Variants in SNX25 observed in about 807,000 individuals in gnomAD.
SNX25 encodes sorting nexin 25.
In SNX25, 62 loss-of-function variants were observed where a neutral mutation model predicts 113.7. The observed-to-expected ratio is 0.55, with a 90% CI of 0.44 to 0.67. The LOEUF (loss-of-function observed/expected upper bound fraction) is 0.67, where lower values mean the gene tolerates loss of function less well. Among genes scored for constraint, SNX25 ranks in the 30% least tolerant of loss-of-function variants. The pLI is 0.00. For synonymous variants in SNX25, 421 were observed against 436.2 expected (o/e 0.97, Z 0.43); for missense variants, 1,014 against 1,161.0 (o/e 0.87, Z 1.84).
At chr4:185,226,458 G>GT (rs1037967369) in intron 1 of SNX25, among the ~76,000 whole-genome samples, 2 of 152,150 alleles carry the variant, frequency 1.3e-5, no homozygotes, top group African/African-American at 4.8e-5. Context: ...ATTTTTTGTT[G>GT]TTGTTTGTTT....
intron 9 of SNX25, among the ~76,000 whole-genome samples, chr4:185,328,736 T>C (rs2095173541): frequency 6.6e-6 from 1 of 152,054 alleles, no homozygotes; most frequent in Admixed American, 6.5e-5. Flanking sequence ...AAATCAAACA[T>C]GGAGAAAGGG....
chr4:185,266,050 C>T (rs534210572), intron 4 of SNX25, among the ~76,000 whole-genome samples: 1 of 152,314 alleles, frequency 6.6e-6, no homozygotes, highest in East Asian at 1.9e-4. Flanking sequence ...CTTTCCCTAT[C>T]TCAGTCTCAG....
chr4:185,222,993 CACTT>C (rs144538654), intron 1 of SNX25, among the ~76,000 whole-genome samples: 1 of 152,298 alleles, frequency 6.6e-6, no homozygotes, highest in African/African-American at 2.4e-5. Context: ...GTAGCTTTTA[CACTT>C]ACTTTTTACA....
At chr4:185,294,918 G>T (rs1408457109) in intron 6 of SNX25, among the ~76,000 whole-genome samples, 1 of 152,084 alleles carries the variant, frequency 6.6e-6, no homozygotes, top group Non-Finnish European at 1.5e-5. Context: ...GGATGTTACA[G>T]GAAGTCGCTC....
intron 5 of SNX25, among the ~76,000 whole-genome samples, chr4:185,279,893 G>A (rs981847865): frequency 6.6e-6 from 1 of 151,896 alleles, no homozygotes; most frequent in African/African-American, 2.4e-5. Flanking sequence ...TTGTTGTTTT[G>A]TTGTTTTTTT....
At position 185,210,174 on chromosome 4, in the gene SNX25, G is replaced by C. The variant is rs1737507643; in HGVS notation, c.348G>C (p.Arg116=). 1 of 984,786 alleles carries C rather than the reference G, an allele frequency of 1.0e-6. No homozygotes were observed. The highest frequency in any genetic ancestry group is 1.2e-6 in the Non-Finnish European group (1 of 830,234). 61.0% of individuals were successfully genotyped at this position (984,786 alleles called of 1,614,324 possible). ...GGATCCTGTTTGCCCTCGTCTGCCGGAGCCCGCGCGCCCAGCCGCCCGACT... is the reference window on the plus strand; with the variant it reads ...GGATCCTGTTTGCCCTCGTCTGCCGCAGCCCGCGCGCCCAGCCGCCCGACT... ...LLGILFALVC[R]SPRAQPPDFA... The change falls in exon 1 of 19, where the codon CGG becomes CGC. Residue 116 remains arginine (R), a synonymous_variant. Coordinates refer to ENST00000652585, the MANE Select transcript of SNX25 (RefSeq NM_001378034.2). The surrounding 1 kb of genome is among the most constrained non-coding windows in gnomAD (Gnocchi z 4.4).
chr4:185,362,661 A>C lies in SNX25; in HGVS notation c.2884A>C (p.Lys962Gln), dbSNP rs775421481. 3.1e-6 allele frequency: 5 copies of C among 1,614,156 alleles called. No individual in the cohort carries two copies. In the East Asian group the frequency reaches 1.1e-4, roughly 36 times the overall value. ...GQQNARHGII[K>Q]IFNALQETRA... ...GCAAAATGCCCGCCACGGTATAATAAAAATATTCAATGCACTGCAAGAAAC... is the reference window on the plus strand; with the variant it reads ...GCAAAATGCCCGCCACGGTATAATACAAATATTCAATGCACTGCAAGAAAC... The change falls in exon 18 of 19, where the codon AAA becomes CAA. Residue 962 changes from lysine (K) to glutamine (Q), a missense_variant. By Grantham distance (53) the Lys-to-Gln change is moderately conservative. Transcript: ENST00000652585.
intron 6 of SNX25, among the ~76,000 whole-genome samples, chr4:185,295,433 A>C (rs1032837735): frequency 1.3e-5 from 2 of 150,810 alleles, no homozygotes; most frequent in African/African-American, 4.9e-5. Flanking sequence ...GTTCCATATA[A>C]AGATGTTTCT....
chr4:185,318,496 C>T (rs184899264), intron 7 of SNX25, among the ~76,000 whole-genome samples: 9 of 151,984 alleles, frequency 5.9e-5, no homozygotes, highest in East Asian at 1.9e-4. Context: ...TACATCCATA[C>T]GGAGGAATTT....
chr4:185,325,254 C>T (rs1233873264), intron 9 of SNX25, among the ~76,000 whole-genome samples: 1 of 152,102 alleles, frequency 6.6e-6, no homozygotes, highest in East Asian at 1.9e-4. Flanking sequence ...AGACAAATCG[C>T]CAGGTGCAGT....
chr4:185,342,952 G>A lies in SNX25; in HGVS notation c.2187+836G>A, dbSNP rs544790015. ...GTCGCCCAGGCTGGAGTCCAGTGGC[G>A]TGATGTCAGCTCACTGCAACCTCCG... On this transcript the variant is annotated intron_variant, in intron 12 of 18. Coordinates refer to ENST00000652585, the MANE Select transcript of SNX25 (RefSeq NM_001378034.2). 9.2e-5 allele frequency among the ~76,000 whole-genome samples: 14 copies of A among 152,168 alleles called. No homozygotes were observed. The South Asian group carries it at 2.5e-3, about 27-fold the overall frequency.
intron 14 of SNX25, among the ~76,000 whole-genome samples, chr4:185,352,615 G>A (rs2095321425): frequency 6.6e-6 from 1 of 152,136 alleles, no homozygotes; most frequent in African/African-American, 2.4e-5. Context: ...AGCTGCCAGT[G>A]GCTTCCTCTC....
downstream of SNX25, chr4:185,372,872 C>T: frequency 6.2e-7 from 1 of 1,608,100 alleles, no homozygotes; most frequent in Non-Finnish European, 8.5e-7. Flanking sequence ...GAAAATGCAA[C>T]ACACTTTGTA....
rs1391703550 is a variant in SNX25 at position 185,323,745 on chromosome 4, T to G, written c.1694T>G (p.Leu565Trp). ...FIVSDLYEKL[L>W]IKEEEKHASQ... The stretch of plus-strand genomic sequence containing the variant: ...GTCAGTGACCTGTATGAGAAATTGT[T>G]GATAAAAGAGGAAGAAAAACATGCC... Residue 565 changes from leucine (L) to tryptophan (W), a missense_variant, in exon 9 of 19, where the codon TTG (leucine) becomes TGG (tryptophan). Physicochemically the swap from Leu to Trp is moderately conservative, Grantham distance 61. Coordinates refer to ENST00000652585, the MANE Select transcript of SNX25 (RefSeq NM_001378034.2). 6.2e-7 allele frequency: 1 copy of G among 1,613,584 alleles called. No homozygotes were observed. Among genetic ancestry groups the G allele is most frequent in the Non-Finnish European group, 8.5e-7 (1 of 1,179,860 alleles).
chr4:185,369,358 C>T (rs1464413002), intron 11 of SNX25, among the ~76,000 whole-genome samples: 1 of 142,280 alleles, frequency 7.0e-6, no homozygotes, highest in Non-Finnish European at 1.5e-5. Context: ...GCTGGGTTTA[C>T]AGGCACACAT....
Position 185,210,653 on chromosome 4 carries a change from C to T in SNX25, c.429+398C>T, listed in dbSNP as rs1266688994. On this transcript the variant is annotated intron_variant, in intron 1 of 18. Transcript: ENST00000652585. The surrounding 1 kb of genome is among the most constrained non-coding windows in gnomAD (Gnocchi z 4.4). The stretch of plus-strand genomic sequence containing the variant: ...CTGGCGATCCGCTTGGTTCTTCTGG[C>T]CGTTCTCGGTGGGAGGCAACTTTAT... Among the ~76,000 whole-genome samples, 1 of 152,018 alleles carries T rather than the reference C, an allele frequency of 6.6e-6. No homozygotes were observed. Among genetic ancestry groups the T allele is most frequent in the Non-Finnish European group, 1.5e-5 (1 of 67,998 alleles).
chr4:185,350,913 G>A (rs1239845653), intron 13 of SNX25, among the ~76,000 whole-genome samples: 1 of 152,210 alleles, frequency 6.6e-6, no homozygotes, highest in Non-Finnish European at 1.5e-5. Context: ...AATGCGCACT[G>A]CCTGGAAAGT....
chr4:185,234,726 C>T (rs1297257855), intron 1 of SNX25, among the ~76,000 whole-genome samples: 1 of 151,938 alleles, frequency 6.6e-6, no homozygotes, highest in African/African-American at 2.4e-5. Flanking sequence ...CTTTTGGAAC[C>T]ATAATAGTAA....
At chr4:185,372,929 A>G (rs2126792323), downstream of SNX25, 1 of 1,613,964 alleles carries the variant, frequency 6.2e-7, no homozygotes, top group Middle Eastern at 1.6e-4. Flanking sequence ...CCTTGAGCAT[A>G]GACGTTTCCG....
Sources: allele counts gnomAD v4.1 joint callset (sites outside exome capture counted in the v4.1 genomes callset), GRCh38; gene constraint gnomAD v4.1.1; non-coding constraint Gnocchi (gnomAD v3.1); transcripts MANE v1.5; gene names NCBI Gene and HGNC (gene_info 2026-07-23, HGNC 2026-07-21).